The following AXIN2 variants were observed in gnomAD, a reference collection of about 807,000 sequenced individuals.
AXIN2 encodes axin-2.
AXIN2 carries 21 observed loss-of-function variants against 74.7 expected under a neutral mutation model. That is an observed-to-expected ratio of 0.28 (90% CI 0.20 to 0.40). The LOEUF (loss-of-function observed/expected upper bound fraction) is 0.40. Among genes scored for constraint, AXIN2 ranks in the 10% least tolerant of loss-of-function variants. AXIN2 has a pLI of 1.00. For missense variants in AXIN2, 1,144 were observed against 1,111.1 expected, an observed-to-expected ratio of 1.03 and a Z score of -0.42; for synonymous variants, 532 against 454.9, an observed-to-expected ratio of 1.17 and a Z score of -2.16.
intron 10 of AXIN2, among the ~76,000 whole-genome samples, chr17:65,533,624 A>G (rs1161265401): frequency 6.6e-6 from 1 of 152,132 alleles, no homozygotes; most frequent in Non-Finnish European, 1.5e-5. Context: ...CTGTCGGTGC[A>G]AGCAGCTGCT....
chr17:65,532,236 C>T (rs1335691844), intron 10 of AXIN2, among the ~76,000 whole-genome samples: 1 of 152,178 alleles, frequency 6.6e-6, no homozygotes. Context: ...AAATCAGAGC[C>T]AGATGTGGCC....
chr17:65,534,045 C>T lies in AXIN2; in HGVS notation c.2272G>A (p.Ala758Thr), dbSNP rs145007501. 4,204 of 1,614,216 alleles carry T rather than the reference C, an allele frequency of 2.6e-3. 9 individuals are homozygous for T. Among genetic ancestry groups the T allele is most frequent in the Non-Finnish European group, 3.3e-3 (3,945 of 1,180,038 alleles). The change falls in exon 10 of 11, where the codon GCG (alanine) becomes ACG (threonine). Residue 758 changes from alanine to threonine, a missense_variant. Coordinates refer to ENST00000307078, the MANE Select transcript of AXIN2 (RefSeq NM_004655.4). ...KEPKKLAGVH[A>T]LQASELVVTY... The stretch of plus-strand genomic sequence containing the variant: ...ACAACCAACTCACTGGCCTGGAGCG[C>T]GTGGACACCTGCCAGTTTCTTTGGC...
chr17:65,556,230 G>A (rs1355813789), intron 2 of AXIN2, among the ~76,000 whole-genome samples: 1 of 152,174 alleles, frequency 6.6e-6, no homozygotes, highest in Non-Finnish European at 1.5e-5. Flanking sequence ...TCCCGGCAGT[G>A]GGAGACACAG....
At chr17:65,552,942 C>T (rs567021207) in intron 2 of AXIN2, among the ~76,000 whole-genome samples, 189 of 152,108 alleles carry the variant, frequency 1.2e-3, no homozygotes, top group African/African-American at 4.3e-3. Flanking sequence ...GCAGGAGAAT[C>T]GCTTGAACCC....
intron 1 of AXIN2, chr17:65,560,846 G>A (rs563141062): frequency 6.7e-6 from 1 of 149,738 alleles, no homozygotes; most frequent in African/African-American, 2.4e-5. Flanking sequence ...GCGCGCGCTC[G>A]GCGGCGAGAC....
At position 65,541,574 on chromosome 17, in the gene AXIN2, GAC is replaced by G. The variant is rs1377908088; in HGVS notation, c.957-19_957-18del. The stretch of plus-strand genomic sequence containing the variant: ...ATTCCATCTCTAAGGGAAAGGAAAA[GAC>G]AGAATCCACAGGCTTACGAGGATGT... On this transcript the variant is annotated intron_variant, in intron 3 of 10. Transcript: ENST00000307078. 4 of 1,600,244 alleles carry G rather than the reference GAC, an allele frequency of 2.5e-6. No individual in the cohort carries two copies. The African/African-American group carries it at 5.4e-5, about 21-fold the overall frequency.
At chr17:65,541,809 G>A (rs547148620) in intron 3 of AXIN2, among the ~76,000 whole-genome samples, 28 of 152,306 alleles carry the variant, frequency 1.8e-4, no homozygotes, top group African/African-American at 6.3e-4. Context: ...CTTGGAAAGA[G>A]CCTGGAAAGT....
Position 65,535,711 on chromosome 17 carries a change from C to A in AXIN2, c.2152G>T (p.Ala718Ser), listed in dbSNP as rs1211491592. 6.2e-7 allele frequency: 1 copy of A among 1,614,034 alleles called. No homozygotes were observed. Among genetic ancestry groups the A allele is most frequent in the Non-Finnish European group, 8.5e-7 (1 of 1,179,936 alleles). Residue 718 changes from alanine (A) to serine (S), a missense_variant, in exon 9 of 11, where the codon GCC becomes TCC. By Grantham distance (99) the Ala-to-Ser change is moderately conservative (BLOSUM62 1). This residue lies in a region of AXIN2 where 1,053 missense variants were observed against 973.5 expected (regional missense o/e 1.08). Coordinates refer to ENST00000307078, the MANE Select transcript of AXIN2 (RefSeq NM_004655.4). ...TGATTCCTGTCCCTCTGCTGACTGG[C>A]CACACAGCACCTGAGGACACAGCCA... ...SKPPKQRCCV[A>S]SQQRDRNHSA...
intron 2 of AXIN2, among the ~76,000 whole-genome samples, chr17:65,551,736 C>T (rs2144550144): frequency 6.6e-6 from 1 of 152,278 alleles, no homozygotes; most frequent in East Asian, 1.9e-4. Flanking sequence ...CTTTTTAAGC[C>T]AGAAGGGACC....
At chr17:65,560,170 C>A (rs1244608384) in intron 1 of AXIN2, 1 of 152,318 alleles carries the variant, frequency 6.6e-6, no homozygotes, top group Non-Finnish European at 1.5e-5. Context: ...GCACAGAAAG[C>A]AGCAGCCTAG....
intron 3 of AXIN2, among the ~76,000 whole-genome samples, chr17:65,546,022 G>A (rs976687169): frequency 2.0e-5 from 3 of 151,854 alleles, no homozygotes; most frequent in Non-Finnish European, 4.4e-5. Context: ...GTCTATTGAA[G>A]GCTGCCTGTG....
chr17:65,553,504 C>CA (rs1269675488), intron 2 of AXIN2, among the ~76,000 whole-genome samples: 3 of 152,090 alleles, frequency 2.0e-5, no homozygotes, highest in Admixed American at 6.5e-5. Context: ...TTCCTCCCAG[C>CA]AAAAAAGACA....
intron 10 of AXIN2, 91 bp downstream of exon 10, chr17:65,533,821 A>AAGT: frequency 8.0e-7 from 1 of 1,254,824 alleles, no homozygotes; most frequent in Non-Finnish European, 1.1e-6. Flanking sequence ...TGCCCCACCT[A>AAGT]GGTCTGCTCA....
At chr17:65,552,886 G>A (rs1387881504) in intron 2 of AXIN2, among the ~76,000 whole-genome samples, 1 of 152,042 alleles carries the variant, frequency 6.6e-6, no homozygotes, top group African/African-American at 2.4e-5. Context: ...AAACTAGCCG[G>A]GCGTGGTGGC....
At chr17:65,533,359 T>C (rs531205978) in intron 10 of AXIN2, among the ~76,000 whole-genome samples, 1 of 152,258 alleles carries the variant, frequency 6.6e-6, no homozygotes, top group Non-Finnish European at 1.5e-5. Context: ...TAATGGCCCA[T>C]AAAATCCAGG....
In AXIN2 at chr17:65,529,220, G is replaced by A. The variant is rs1297210570; in HGVS notation, c.*756C>T. ...TCACAGGATCAACCTGGGGCCCGAA[G>A]GAGCAGGGTTCCCTGCCTCTCCCTC... On this transcript the variant is annotated 3_prime_UTR_variant, in exon 11 of 11. Coordinates refer to ENST00000307078, the MANE Select transcript of AXIN2 (RefSeq NM_004655.4). The A allele has an allele frequency of 4.3e-6, 1 of 234,488 alleles. No homozygotes were observed. Among genetic ancestry groups the A allele is most frequent in the Admixed American group, 5.6e-5 (1 of 17,898 alleles). 14.5% of individuals were successfully genotyped at this position (234,488 alleles called of 1,614,324 possible).
chr17:65,534,093 G>A lies in AXIN2; in HGVS notation c.2238-14C>T, dbSNP rs1268291117. 4.3e-6 allele frequency: 7 copies of A among 1,614,036 alleles called. No individual in the cohort carries two copies. The highest frequency in any genetic ancestry group is 8.5e-7 in the Non-Finnish European group (1 of 1,180,030). On this transcript the variant is annotated splice_polypyrimidine_tract_variant and intron_variant, in intron 9 of 10. Coordinates refer to ENST00000307078, the MANE Select transcript of AXIN2 (RefSeq NM_004655.4). ...GGCTCTTTGTGACTGAAAATAAGAT[G>A]GAATGGAACAAGTTTAGCATTTTAA...
At chr17:65,553,201 A>C (rs1481709385) in intron 2 of AXIN2, among the ~76,000 whole-genome samples, 1 of 152,196 alleles carries the variant, frequency 6.6e-6, no homozygotes, top group Non-Finnish European at 1.5e-5. Flanking sequence ...CCCTGTCCTC[A>C]CACGAATCTC....
At position 65,537,833 on chromosome 17, in the gene AXIN2, A is replaced by C; in HGVS notation, c.1203T>G (p.Asp401Glu). Residue 401 changes from aspartate to glutamate, a missense_variant and splice_region_variant, in exon 6 of 11, where the codon GAT (aspartate) becomes GAG (glutamate). Asp to Glu is a conservative substitution (Grantham distance 45). Coordinates refer to ENST00000307078, the MANE Select transcript of AXIN2 (RefSeq NM_004655.4). ...LEERLQQIREDEEREGSELTL... is the reference protein window; with the variant it reads ...LEERLQQIREEEEREGSELTL... ...TGAGCTCGGAGCCCTCTCTCTCTTC[A>C]TCCTGAAAGGGAAGACGTCAGAAGG... is the stretch of plus-strand genomic sequence containing the variant. The C allele has an allele frequency of 6.4e-7, 1 of 1,551,380 alleles. No individual in the cohort carries two copies. Among genetic ancestry groups the C allele is most frequent in the East Asian group, 2.3e-5 (1 of 43,490 alleles).
Sources: allele counts gnomAD v4.1 joint callset (sites outside exome capture counted in the v4.1 genomes callset), GRCh38; gene constraint gnomAD v4.1.1; regional missense constraint gnomAD v4.1.1; transcripts MANE v1.5; gene names NCBI Gene and HGNC (gene_info 2026-07-23, HGNC 2026-07-21).